SHISA9: variants seen among roughly 807,000 people sequenced by gnomAD.
SHISA9 encodes protein shisa-9.
A neutral mutation model predicts 38.0 loss-of-function variants in SHISA9; 13 were observed. The observed-to-expected ratio is 0.34, with a 90% CI of 0.22 to 0.54. The LOEUF (loss-of-function observed/expected upper bound fraction) is 0.54. SHISA9 is among the 20% of genes least tolerant of loss of function. The probability of loss-of-function intolerance (pLI) is 0.91; values close to 1 mark genes in which losing one functional copy is unlikely to be tolerated. For missense variants in SHISA9, 538 were observed against 575.8 expected (o/e 0.93, Z 0.67); for synonymous variants, 275 against 242.0 (o/e 1.14, Z -1.27).
At chr16:13,135,703 T>C (rs528414231) in intron 2 of SHISA9, among the ~76,000 whole-genome samples, 1 of 152,142 alleles carries the variant, frequency 6.6e-6, no homozygotes, top group Non-Finnish European at 1.5e-5. Context: ...CTTATTATAA[T>C]AGTAATAATA....
intron 2 of SHISA9, among the ~76,000 whole-genome samples, chr16:13,180,196 A>T (rs2050765316): frequency 6.6e-6 from 1 of 152,230 alleles, no homozygotes; most frequent in Non-Finnish European, 1.5e-5. Flanking sequence ...GGCTCCTATG[A>T]AAAGGTATAG....
the SHISA9 span, among the ~76,000 whole-genome samples, chr16:13,403,157 T>G: frequency 6.6e-6 from 1 of 151,412 alleles, no homozygotes; most frequent in Non-Finnish European, 1.5e-5. Context: ...AGTCACCTAG[T>G]TTGTTGCATT....
At chr16:13,020,861 G>C (rs1279700066) in intron 2 of SHISA9, among the ~76,000 whole-genome samples, 1 of 152,212 alleles carries the variant, frequency 6.6e-6, no homozygotes, top group Non-Finnish European at 1.5e-5. Flanking sequence ...CCAGATTTCT[G>C]TCACTTACCC....
chr16:13,143,493 C>G (rs1398176160), intron 2 of SHISA9, among the ~76,000 whole-genome samples: 1 of 152,178 alleles, frequency 6.6e-6, no homozygotes, highest in East Asian at 1.9e-4. Flanking sequence ...AGTGGGTCAG[C>G]TGCATGGGTC....
intron 2 of SHISA9, among the ~76,000 whole-genome samples, chr16:13,181,267 T>TATA (rs2050774626): frequency 2.9e-4 from 23 of 80,066 alleles, no homozygotes; most frequent in African/African-American, 9.8e-4. Context: ...AAATAAAATT[T>TATA]TATATATATA....
In SHISA9 at chr16:13,043,643, C is replaced by G. The variant is rs145743704; in HGVS notation, c.691+126828C>G. Among the ~76,000 whole-genome samples the G allele has an allele frequency of 1.0e-3, 152 of 152,334 alleles. No homozygotes were observed. The Middle Eastern group carries it at 0.014, about 14-fold the overall frequency. On this transcript the variant is annotated intron_variant, in intron 2 of 4. Coordinates refer to ENST00000558583, the MANE Select transcript of SHISA9 (RefSeq NM_001145204.3). ...TCCTTAACCTCCCACAGCTTGAACT[C>G]ACTGTCCTGATATCCTCAGAGCTGC...
intron 1 of SHISA9, 98 bp from the exon 2 acceptor site, chr16:12,916,590 T>C: frequency 1.4e-6 from 2 of 1,386,336 alleles, no homozygotes; most frequent in Non-Finnish European, 1.9e-6. Context: ...CATGGAGTAA[T>C]CCGCCTTGCC....
chr16:13,483,113 G>T, the SHISA9 span, among the ~76,000 whole-genome samples: 3 of 152,316 alleles, frequency 2.0e-5, no homozygotes, highest in South Asian at 6.2e-4. Flanking sequence ...ACACATGTGG[G>T]TGAATAAAGT....
the SHISA9 span, among the ~76,000 whole-genome samples, chr16:13,406,529 C>T: frequency 1.3e-5 from 2 of 152,224 alleles, no homozygotes; most frequent in East Asian, 1.9e-4. Context: ...AGAACATTCT[C>T]TTCCGCTTTC....
At chr16:13,476,499 G>T in the SHISA9 span, among the ~76,000 whole-genome samples, 1 of 152,096 alleles carries the variant, frequency 6.6e-6, no homozygotes, top group Non-Finnish European at 1.5e-5. Flanking sequence ...CTGAACCCCT[G>T]GTGTTTGAGA....
intron 2 of SHISA9, among the ~76,000 whole-genome samples, chr16:13,127,053 T>A: frequency 7.9e-5 from 8 of 100,692 alleles, no homozygotes; most frequent in Admixed American, 2.5e-4. Context: ...GGAGAGAGAC[T>A]GAGGGAAGGA....
chr16:13,424,044 A>T, the SHISA9 span, among the ~76,000 whole-genome samples: 8 of 152,220 alleles, frequency 5.3e-5, no homozygotes, highest in Non-Finnish European at 1.5e-5. Flanking sequence ...AAGGCAATTG[A>T]TTTGTAACCA....
At chr16:13,458,455 A>G in the SHISA9 span, 1 of 387,974 alleles carries the variant, frequency 2.6e-6, no homozygotes, top group Non-Finnish European at 5.0e-6. Flanking sequence ...GATAAAGCGG[A>G]GGGAAGGGGA....
chr16:13,414,426 G>A, the SHISA9 span, among the ~76,000 whole-genome samples: 2 of 152,126 alleles, frequency 1.3e-5, no homozygotes, highest in African/African-American at 4.8e-5. Flanking sequence ...AAAACAGGAT[G>A]GAGTAGGAGT....
chr16:13,464,363 C>T, the SHISA9 span, among the ~76,000 whole-genome samples: 1 of 152,192 alleles, frequency 6.6e-6, no homozygotes, highest in African/African-American at 2.4e-5. Context: ...ATGGGTTTCT[C>T]ATGGATGGCT....
chr16:13,409,150 G>T, the SHISA9 span, among the ~76,000 whole-genome samples: 1 of 152,034 alleles, frequency 6.6e-6, no homozygotes, highest in Non-Finnish European at 1.5e-5. Context: ...GAGTTTGGCT[G>T]GGGGTAGTCG....
chr16:13,032,332 T>A (rs2073001963), intron 2 of SHISA9, among the ~76,000 whole-genome samples: 1 of 152,190 alleles, frequency 6.6e-6, no homozygotes, highest in Admixed American at 6.6e-5. Flanking sequence ...GCATCATCCA[T>A]GTCCCTGAAA....
chr16:13,087,558 G>T (rs550026008), intron 2 of SHISA9, among the ~76,000 whole-genome samples: 5 of 152,264 alleles, frequency 3.3e-5, no homozygotes, highest in Non-Finnish European at 5.9e-5. Context: ...GTTTTGATTT[G>T]CATTTCTCTG....
At chr16:13,396,699 G>A in the SHISA9 span, among the ~76,000 whole-genome samples, 4 of 152,122 alleles carry the variant, frequency 2.6e-5, no homozygotes, top group African/African-American at 4.8e-5. Context: ...GCTTTTGCAC[G>A]TACTGGGATG....
Sources: allele counts gnomAD v4.1 joint callset (sites outside exome capture counted in the v4.1 genomes callset), GRCh38; gene constraint gnomAD v4.1.1; transcripts MANE v1.5; gene names NCBI Gene and HGNC (gene_info 2026-07-23, HGNC 2026-07-21).